Variants in C3orf49 observed in about 807,000 individuals in gnomAD.
C3orf49 encodes the protein putative uncharacterized protein C3orf49.
Under a neutral mutation model 13.3 loss-of-function variants are expected in C3orf49, and 27 were observed. The ratio of observed to expected loss-of-function variants is 2.02; its 90% CI spans 1.49 to 2.79. The LOEUF (loss-of-function observed/expected upper bound fraction) is 2.79, where lower values mean the gene tolerates loss of function less well. C3orf49 is among the 30% of genes most tolerant of loss of function. The pLI, the probability that C3orf49 is intolerant of heterozygous loss-of-function variation, is 0.00. For missense variants in C3orf49, 242 were observed against 134.2 expected, an observed-to-expected ratio of 1.80 and a Z score of -3.97; for synonymous variants, 87 against 47.6, an observed-to-expected ratio of 1.83 and a Z score of -3.40.
chr3:63,812,903 C>T, the C3orf49 span, among the ~76,000 whole-genome samples: 9 of 152,190 alleles, frequency 5.9e-5, no homozygotes, highest in Non-Finnish European at 4.4e-5. Context: ...CTACCACTTT[C>T]ACTCGTAATC....
chr3:63,805,343 T>C, the C3orf49 span, among the ~76,000 whole-genome samples: 1 of 152,354 alleles, frequency 6.6e-6, no homozygotes, highest in African/African-American at 2.4e-5. Flanking sequence ...TACTTCTTTT[T>C]ATTACTTTTT....
chr3:63,834,418 G>A (rs1701586079), intron 5 of C3orf49, among the ~76,000 whole-genome samples: 1 of 151,702 alleles, frequency 6.6e-6, no homozygotes, highest in Admixed American at 6.6e-5. Flanking sequence ...CCAGCACTTT[G>A]GGAGGCCAAG....
chr3:63,790,599 T>G, the C3orf49 span, among the ~76,000 whole-genome samples: 1 of 1,158 alleles, frequency 8.6e-4, no homozygotes, highest in African/African-American at 1.0e-3. Flanking sequence ...CATCTACCTC[T>G]TTTTTTTTTT....
At chr3:63,788,102 T>C in the C3orf49 span, among the ~76,000 whole-genome samples, 1 of 152,224 alleles carries the variant, frequency 6.6e-6, no homozygotes, top group Admixed American at 6.5e-5. Flanking sequence ...TGGATTCTTC[T>C]GGGTTCTTAG....
upstream of C3orf49, among the ~76,000 whole-genome samples, chr3:63,815,285 C>T (rs1010221147): frequency 6.6e-6 from 1 of 152,114 alleles, no homozygotes; most frequent in African/African-American, 2.4e-5. Flanking sequence ...AACTGTATCT[C>T]CCCCATATCC....
chr3:63,836,252 C>CA lies in C3orf49; in HGVS notation c.849+4409dup, dbSNP rs762095801. On this transcript the variant is annotated intron_variant, in intron 5 of 6. Coordinates refer to ENST00000295896, the MANE Select transcript of C3orf49 (RefSeq NM_001355236.2). ...TGAAATGCCTACGGTAGTTTTCGAG[C>CA]ATTTATGTATAAAGGTTAGTTCCTT... 7 of 1,559,782 alleles carry CA rather than the reference C, an allele frequency of 4.5e-6. No homozygotes were observed. In the South Asian group the frequency reaches 8.4e-5, roughly 19 times the overall value.
At chr3:63,792,259 G>A in the C3orf49 span, among the ~76,000 whole-genome samples, 1 of 152,078 alleles carries the variant, frequency 6.6e-6, no homozygotes, top group Non-Finnish European at 1.5e-5. Flanking sequence ...CTGTGATTGT[G>A]GTTTTCTCCA....
At chr3:63,835,070 C>T (rs1701601653) in intron 5 of C3orf49, 7 of 1,362,648 alleles carry the variant, frequency 5.1e-6, no homozygotes, top group Non-Finnish European at 7.2e-6. Context: ...TACTGTCTCT[C>T]CAAGATGTAT....
chr3:63,800,355 A>C, the C3orf49 span, among the ~76,000 whole-genome samples: 1 of 152,162 alleles, frequency 6.6e-6, no homozygotes, highest in Non-Finnish European at 1.5e-5. Context: ...ATGTGCTTGA[A>C]TGAGCATCAC....
At chr3:63,786,248 CTGA>C in the C3orf49 span, among the ~76,000 whole-genome samples, 6 of 152,036 alleles carry the variant, frequency 3.9e-5, no homozygotes, top group East Asian at 1.9e-4. Flanking sequence ...ATGTTCGTAA[CTGA>C]TGATGATGAT....
chr3:63,803,405 C>T, the C3orf49 span, among the ~76,000 whole-genome samples: 2 of 152,154 alleles, frequency 1.3e-5, no homozygotes, highest in African/African-American at 2.4e-5. Context: ...TTGCTCTCCT[C>T]CTTTTGCCCA....
At chr3:63,806,550 G>A in the C3orf49 span, among the ~76,000 whole-genome samples, 1 of 151,960 alleles carries the variant, frequency 6.6e-6, no homozygotes, top group Non-Finnish European at 1.5e-5. Flanking sequence ...AAATACTGAA[G>A]TTTAGAAAGG....
intron 6 of C3orf49, among the ~76,000 whole-genome samples, chr3:63,846,700 C>T (rs1034029473): frequency 5.3e-5 from 8 of 152,030 alleles, no homozygotes; most frequent in East Asian, 3.9e-4. Context: ...CATGAGCCAC[C>T]GTGCTTGGCC....
At chr3:63,831,336 C>T (rs1575798926) in intron 4 of C3orf49, 113 bp downstream of exon 4, 1 of 624,476 alleles carries the variant, frequency 1.6e-6, no homozygotes, top group East Asian at 2.7e-5. Flanking sequence ...TAATGATTAG[C>T]ATTAAGAAAT....
chr3:63,801,497 A>G, the C3orf49 span, among the ~76,000 whole-genome samples: 38 of 152,304 alleles, frequency 2.5e-4, no homozygotes, highest in African/African-American at 8.7e-4. Flanking sequence ...AAATAAGATA[A>G]TTTTTAGTAC....
At chr3:63,817,247 ACTC>A (rs1701334604), upstream of C3orf49, among the ~76,000 whole-genome samples, 1 of 151,432 alleles carries the variant, frequency 6.6e-6, no homozygotes, top group Non-Finnish European at 1.5e-5. Flanking sequence ...ATCTAAAGTC[ACTC>A]CTCATCCTCA....
the C3orf49 span, among the ~76,000 whole-genome samples, chr3:63,811,585 A>T: frequency 4.0e-5 from 6 of 151,776 alleles, no homozygotes; most frequent in East Asian, 9.7e-4. Flanking sequence ...CAAAAAAAAA[A>T]ACAAAAAAAA....
At chr3:63,798,994 A>C in the C3orf49 span, among the ~76,000 whole-genome samples, 44 of 152,210 alleles carry the variant, frequency 2.9e-4, no homozygotes, top group African/African-American at 1.0e-3. Flanking sequence ...GCTAAACCCT[A>C]TTGGACTGTG....
In C3orf49 at chr3:63,831,104, C is replaced by A. The variant is rs551006601; in HGVS notation, c.571-6C>A. On this transcript the variant is annotated splice_polypyrimidine_tract_variant and splice_region_variant and intron_variant, in intron 3 of 6. Transcript: ENST00000295896. ...TAATCTGATGTGTTTTGCATTTTTA[C>A]CATAGGGGCCATATTCACCAAAAAA... 1.3e-5 allele frequency: 9 copies of A among 695,780 alleles called. No homozygotes were observed. The highest frequency in any genetic ancestry group is 7.1e-5 in the African/African-American group (4 of 56,560). 43.1% of individuals were successfully genotyped at this position (695,780 alleles called of 1,614,324 possible). A position where few individuals can be genotyped will look rare whatever the true frequency, so the allele number is the denominator to read the frequency against.
Sources: gnomAD v4.1 joint callset for allele counts (sites outside exome capture counted in the v4.1 genomes callset) on GRCh38, gnomAD v4.1.1 for gene constraint, MANE v1.5 for transcripts, NCBI Gene and HGNC (gene_info 2026-07-23, HGNC 2026-07-21) for gene names.